Variants in SACS observed in about 807,000 individuals in gnomAD.
The protein encoded by SACS is sacsin.
SACS carries 197 observed loss-of-function variants against 348.0 expected under a neutral mutation model. The ratio of observed to expected loss-of-function variants is 0.57; its 90% CI spans 0.50 to 0.64. SACS has a LOEUF of 0.64. SACS is among the 30% of genes least tolerant of loss of function. The pLI is 0.00. For synonymous variants in SACS, 1,985 were observed against 1,910.6 expected, an observed-to-expected ratio of 1.04 and a Z score of -1.02; for missense variants, 4,999 against 5,360.8, an observed-to-expected ratio of 0.93 and a Z score of 2.11.
At position 23,420,704 on chromosome 13, in the gene SACS, CG is replaced by C. The variant is rs1372803378; in HGVS notation, c.-501-8965del. ...GTCCACCTGGGGCTTGAGTGTTTCC[CG>C]GTGCCTGAGGACTTCCTGGGCCTGG... On this transcript the variant is annotated intron_variant, in intron 1 of 9. Transcript: ENST00000382292. 8.6e-5 allele frequency among the ~76,000 whole-genome samples: 13 copies of C among 152,006 alleles called. No individual in the cohort carries two copies. In the East Asian group the frequency reaches 2.3e-3, roughly 27 times the overall value.
chr13:23,350,629 G>A (rs1869889456), intron 9 of SACS, among the ~76,000 whole-genome samples: 1 of 152,130 alleles, frequency 6.6e-6, no homozygotes, highest in East Asian at 1.9e-4. Flanking sequence ...AGTGTTTACT[G>A]ATCACTCATA....
At chr13:23,392,126 G>A (rs780578044) in intron 2 of SACS, among the ~76,000 whole-genome samples, 8 of 152,170 alleles carry the variant, frequency 5.3e-5, no homozygotes, top group African/African-American at 1.4e-4. Flanking sequence ...GACCTCAGAC[G>A]GTCAGGAGGC....
chr13:23,332,149 G>A lies in SACS; in HGVS notation c.11727C>T (p.Leu3909=), dbSNP rs781137334. The part of the protein sequence containing the change: ...LENVRDLALY[L]PSQDGRLVKS... ...TTACCAATCTACCATCCTGGCTTGGGAGGTAAAGCGCAAGGTCTCGTACAT... is the reference window on the plus strand; with the variant it reads ...TTACCAATCTACCATCCTGGCTTGGAAGGTAAAGCGCAAGGTCTCGTACAT... Residue 3909 remains leucine (L), a synonymous_variant, in exon 10 of 10, where the codon CTC becomes CTT. Coordinates refer to ENST00000382292, the MANE Select transcript of SACS (RefSeq NM_014363.6). The A allele has an allele frequency of 3.7e-6, 6 of 1,614,020 alleles. No individual in the cohort carries two copies. In the South Asian group the frequency reaches 6.6e-5, roughly 18 times the overall value.
At chr13:23,349,818 C>A (rs191407726) in intron 9 of SACS, among the ~76,000 whole-genome samples, 10 of 152,246 alleles carry the variant, frequency 6.6e-5, no homozygotes, top group East Asian at 5.8e-4. Context: ...CAAAGTCACA[C>A]AATAGAGGAG....
Position 23,341,077 on chromosome 13 carries a change from A to T in SACS, c.2799T>A (p.Ser933=), listed in dbSNP as rs776992958. 6.2e-7 allele frequency: 1 copy of T among 1,614,086 alleles called. No homozygotes were observed. The highest frequency in any genetic ancestry group is 8.5e-7 in the Non-Finnish European group (1 of 1,180,014). The part of the protein sequence containing the change: ...ELAIFKRINH[S]SDQGISSYTK... ...TATAAGAGGAAATTCCCTGATCAGA[A>T]GAATGGTTAATGCGCTTGAATATTG... The change falls in exon 10 of 10, where the codon TCT becomes TCA. Residue 933 remains serine (S), a synonymous_variant. Transcript: ENST00000382292.
At position 23,349,474 on chromosome 13, in the gene SACS, TTA is replaced by T. The variant is rs1320040822; in HGVS notation, c.2185+4309_2185+4310del. ...TAACAATAGCTACCATTTGTCAGTA[TTA>T]TATTAAGTGCCGGATATTATGTTAA... On this transcript the variant is annotated intron_variant, in intron 9 of 9. Coordinates refer to ENST00000382292, the MANE Select transcript of SACS (RefSeq NM_014363.6). 3.9e-5 allele frequency among the ~76,000 whole-genome samples: 6 copies of T among 152,154 alleles called. No homozygotes were observed. In the South Asian group the frequency reaches 1.0e-3, roughly 26 times the overall value.
chr13:23,339,617 A>G lies in SACS; in HGVS notation c.4259T>C (p.Ile1420Thr). Residue 1420 changes from isoleucine to threonine, a missense_variant, in exon 10 of 10, where the codon ATT (isoleucine) becomes ACT (threonine). This residue lies in a region of SACS where 3,156 missense variants were observed against 3,380.1 expected (regional missense o/e 0.93). Transcript: ENST00000382292. The part of the protein sequence containing the change: ...DLLEDSVEPI[I>T]LVHEDIPMKT... ...CATGGGTATGTCCTCATGCACCAAA[A>G]TGATTGGTTCCACAGAATCTTCAAG... 1 of 1,611,630 alleles carries G rather than the reference A, an allele frequency of 6.2e-7. No individual in the cohort carries two copies. Among genetic ancestry groups the G allele is most frequent in the Non-Finnish European group, 8.5e-7 (1 of 1,178,066 alleles).
At chr13:23,342,708 C>T (rs761218712) in intron 9 of SACS, among the ~76,000 whole-genome samples, 1 of 152,220 alleles carries the variant, frequency 6.6e-6, no homozygotes, top group Non-Finnish European at 1.5e-5. Context: ...CCAGGAGCCA[C>T]ACAGCTGCAT....
At chr13:23,432,664 A>ATTT (rs1874481152) in intron 1 of SACS, among the ~76,000 whole-genome samples, 1 of 151,170 alleles carries the variant, frequency 6.6e-6, no homozygotes, top group African/African-American at 2.5e-5. Flanking sequence ...ATTGTCAATT[A>ATTT]TTTATTATTA....
In SACS at chr13:23,336,620, T is replaced by A. The variant is rs1868628519; in HGVS notation, c.7256A>T (p.Glu2419Val). Residue 2419 changes from glutamate to valine, a missense_variant, in exon 10 of 10, where the codon GAG (glutamate) becomes GTG (valine). Around this residue, in one of 6 missense-constraint regions of SACS, gnomAD observed 3,156 missense variants for 3,380.1 expected, o/e 0.93. Transcript: ENST00000382292. ...QERGTKQITE[E>V]NFQLCRRIIS... ...TATTCGTCGGCAAAGCTGAAAATTC[T>A]CTTCTGTTATTTGCTTTGTTCCTCT... 6.2e-7 allele frequency: 1 copy of A among 1,613,790 alleles called. No individual in the cohort carries two copies. The highest frequency in any genetic ancestry group is 8.5e-7 in the Non-Finnish European group (1 of 1,179,836).
At position 23,354,734 on chromosome 13, in the gene SACS, C is replaced by T. The variant is rs374010041; in HGVS notation, c.1878G>A (p.Val626=). The change falls in exon 8 of 10, where the codon GTG becomes GTA. Residue 626 remains valine (V), a synonymous_variant. Transcript: ENST00000382292. ...GCACCTGCCGCACCCACGCGGGCGT[C>T]ACCTTCCTCACAGGTGTTGTGCCAG... is the stretch of plus-strand genomic sequence containing the variant. ...AASGTTPVRK[V]TPAWVRQVLR... is the part of the protein sequence containing the mutation. 2 of 1,613,586 alleles carry T rather than the reference C, an allele frequency of 1.2e-6. No homozygotes were observed. Among genetic ancestry groups the T allele is most frequent in the Non-Finnish European group, 1.7e-6 (2 of 1,179,584 alleles).
chr13:23,356,539 C>A (rs1272813106), intron 7 of SACS, among the ~76,000 whole-genome samples: 4 of 152,214 alleles, frequency 2.6e-5, no homozygotes, highest in Admixed American at 2.6e-4. Flanking sequence ...TTGCTGGGAG[C>A]ATCTCACCAC....
At chr13:23,412,760 G>C (rs1873546099) in intron 1 of SACS, among the ~76,000 whole-genome samples, 1 of 152,038 alleles carries the variant, frequency 6.6e-6, no homozygotes, top group African/African-American at 2.4e-5. Context: ...ATGTTTGAAA[G>C]CAAAATATTT....
intron 9 of SACS, among the ~76,000 whole-genome samples, chr13:23,349,113 C>T (rs1198864968): frequency 5.9e-5 from 9 of 152,314 alleles, no homozygotes; most frequent in African/African-American, 1.9e-4. Flanking sequence ...GGAAAACCTG[C>T]AGCAGGAGGG....
At chr13:23,369,684 A>G (rs1871267412) in intron 4 of SACS, among the ~76,000 whole-genome samples, 1 of 151,766 alleles carries the variant, frequency 6.6e-6, no homozygotes, top group African/African-American at 2.4e-5. Flanking sequence ...AGCTGGGACT[A>G]CAGGTGCCCG....
In SACS at chr13:23,382,000, A is replaced by G. The variant is rs1040909763; in HGVS notation, c.21-6731T>C. On this transcript the variant is annotated intron_variant, in intron 2 of 9. Coordinates refer to ENST00000382292, the MANE Select transcript of SACS (RefSeq NM_014363.6). ...CTTTGCCTATTATTAAAAGAGGAGC[A>G]TGCTACAGTCTTCCTCATACAGAAA... 2.8e-4 allele frequency among the ~76,000 whole-genome samples: 43 copies of G among 152,250 alleles called. 1 individual carries two copies. The highest frequency in any genetic ancestry group is 9.9e-4 in the African/African-American group (41 of 41,456).
At position 23,330,126 on chromosome 13, in the gene SACS, T is replaced by C. The variant is rs764576702; in HGVS notation, c.*10A>G. 6.2e-7 allele frequency: 1 copy of C among 1,611,600 alleles called. No homozygotes were observed. Among genetic ancestry groups the C allele is most frequent in the Non-Finnish European group, 8.5e-7 (1 of 1,178,024 alleles). On this transcript the variant is annotated 3_prime_UTR_variant, in exon 10 of 10. Coordinates refer to ENST00000382292, the MANE Select transcript of SACS (RefSeq NM_014363.6). ...CATTCAAGATCTACCTTTTTTTTCGTTAAATATCTTCACACTTTTTGTTGC... is the reference window on the plus strand; with the variant it reads ...CATTCAAGATCTACCTTTTTTTTCGCTAAATATCTTCACACTTTTTGTTGC...
chr13:23,331,849 T>C lies in SACS; in HGVS notation c.12027A>G (p.Glu4009=). ...QGRLQLLLSS[E]QFITGLIRIM... Reference sequence around the variant, plus strand: ...TTCTAATCAGTCCTGTAATGAACTGTTCAGAAGACAAGAGTAACTGCAATC... The same window carrying C: ...TTCTAATCAGTCCTGTAATGAACTGCTCAGAAGACAAGAGTAACTGCAATC... Residue 4009 remains glutamate (E), a synonymous_variant, in exon 10 of 10, where the codon GAA becomes GAG. Transcript: ENST00000382292. 6.2e-7 allele frequency: 1 copy of C among 1,614,048 alleles called. No homozygotes were observed. Among genetic ancestry groups the C allele is most frequent in the Non-Finnish European group, 8.5e-7 (1 of 1,179,946 alleles).
chr13:23,371,399 A>G (rs758138646), intron 3 of SACS, among the ~76,000 whole-genome samples: 1 of 152,228 alleles, frequency 6.6e-6, no homozygotes, highest in Non-Finnish European at 1.5e-5. Context: ...AAAAATATAT[A>G]TATTTCTCCA....
Sources: allele counts gnomAD v4.1 joint callset (sites outside exome capture counted in the v4.1 genomes callset), GRCh38; gene constraint gnomAD v4.1.1; regional missense constraint gnomAD v4.1.1; transcripts MANE v1.5; gene names NCBI Gene and HGNC (gene_info 2026-07-23, HGNC 2026-07-21).